NEB: variants seen among roughly 807,000 people sequenced by gnomAD.
NEB encodes the protein nemaline myopathy type 2.
In NEB, 512 loss-of-function variants were observed where a neutral mutation model predicts 952.2. The observed-to-expected ratio is 0.54, with a 90% CI of 0.50 to 0.58. The LOEUF is 0.58. NEB is among the 20% of genes least tolerant of loss of function. The probability of loss-of-function intolerance (pLI) is 0.00; values close to 1 mark genes in which losing one functional copy is unlikely to be tolerated. For missense variants in NEB, 8,428 were observed against 9,231.1 expected (o/e 0.91, Z 3.56); for synonymous variants, 2,900 against 3,149.8 (o/e 0.92, Z 2.66).
chr2:151,533,446 C>A lies in NEB; in HGVS notation c.21413G>T (p.Ser7138Ile), dbSNP rs2153515111. The A allele has an allele frequency of 6.5e-7, 1 of 1,548,514 alleles. No homozygotes were observed. The highest frequency in any genetic ancestry group is 8.7e-7 in the Non-Finnish European group (1 of 1,143,986). ...LTALYNSHMW[S>I]QIKYRKNYEK... is the part of the protein sequence containing the mutation. ...TCACATCCCATCAGACATTACCTGG[C>A]TCCACATATGCGAATTGTAGAGAGC... Residue 7138 changes from serine to isoleucine, a missense_variant, in exon 143 of 182, where the codon AGC (serine) becomes ATC (isoleucine). Ser to Ile is a moderately radical substitution (Grantham distance 142). Transcript: ENST00000397345.
chr2:151,611,376 T>C (rs2097952687), intron 78 of NEB, among the ~76,000 whole-genome samples: 1 of 152,234 alleles, frequency 6.6e-6, no homozygotes, highest in Non-Finnish European at 1.5e-5. Context: ...TCATAGCAGA[T>C]ACTCAACGAT....
chr2:151,533,470 G>T lies in NEB; in HGVS notation c.21389C>A (p.Ala7130Asp). The change falls in exon 143 of 182, where the codon GCT becomes GAT. Residue 7130 changes from alanine (A) to aspartate (D), a missense_variant. Ala to Asp is a moderately radical substitution (Grantham distance 126). This residue lies in a region of NEB where 3,374 missense variants were observed against 3,651.5 expected (regional missense o/e 0.92). Coordinates refer to ENST00000397345, the MANE Select transcript of NEB (RefSeq NM_001164508.2). The stretch of plus-strand genomic sequence containing the variant: ...GCTCCACATATGCGAATTGTAGAGA[G>T]CAGTCAACATATCTGGACGCAGAAT... ...NEILRPDMLT[A>D]LYNSHMWSQI... 2 of 1,551,270 alleles carry T rather than the reference G, an allele frequency of 1.3e-6. No homozygotes were observed. Among genetic ancestry groups the T allele is most frequent in the Non-Finnish European group, 8.7e-7 (1 of 1,146,560 alleles).
intron 174 of NEB, 80 bp from the exon 175 acceptor site, chr2:151,493,947 G>A (rs2058438522): frequency 9.2e-7 from 1 of 1,088,798 alleles, no homozygotes; most frequent in Non-Finnish European, 1.3e-6. Context: ...GGGGGGAAAT[G>A]TTATGTTTAA....
chr2:151,609,279 G>A (rs187796360), intron 81 of NEB, among the ~76,000 whole-genome samples: 4 of 152,108 alleles, frequency 2.6e-5, no homozygotes, highest in East Asian at 3.9e-4. Context: ...TGGGGTTGAC[G>A]GGATAAGTGC....
chr2:151,536,410 A>C (rs528154006), intron 141 of NEB, among the ~76,000 whole-genome samples: 3 of 152,172 alleles, frequency 2.0e-5, no homozygotes, highest in Non-Finnish European at 4.4e-5. Context: ...TTATTATTTA[A>C]CTTTGAAAGT....
At position 151,568,178 on chromosome 2, in the gene NEB, A is replaced by C; in HGVS notation, c.17737T>G (p.Tyr5913Asp). The C allele has an allele frequency of 6.2e-7, 1 of 1,612,400 alleles. No individual in the cohort carries two copies. Among genetic ancestry groups the C allele is most frequent in the Non-Finnish European group, 8.5e-7 (1 of 1,178,874 alleles). The change falls in exon 113 of 182, where the codon TAT (tyrosine) becomes GAT (aspartate). Residue 5913 changes from tyrosine (Y) to aspartate (D), a missense_variant and splice_region_variant. Around this residue, in one of 11 missense-constraint regions of NEB, gnomAD observed 3,374 missense variants for 3,651.5 expected, o/e 0.92. Coordinates refer to ENST00000397345, the MANE Select transcript of NEB (RefSeq NM_001164508.2). ...AQEAARILDQYLYKEGWERQK... is the reference protein window; with the variant it reads ...AQEAARILDQDLYKEGWERQK... ...CTCTCCCAGCCTTCCTTGTAGAGATACTGAAAGACAGAGCCACCATAAAGG... is the reference window on the plus strand; with the variant it reads ...CTCTCCCAGCCTTCCTTGTAGAGATCCTGAAAGACAGAGCCACCATAAAGG...
At chr2:151,549,954 A>G (rs903765933) in intron 129 of NEB, among the ~76,000 whole-genome samples, 2 of 152,174 alleles carry the variant, frequency 1.3e-5, no homozygotes, top group African/African-American at 4.8e-5. Context: ...AAATAGAACA[A>G]TGAGTGAAAT....
intron 147 of NEB, 66 bp downstream of exon 147, chr2:151,527,412 AAAT>A: frequency 8.7e-7 from 1 of 1,145,348 alleles, no homozygotes; most frequent in Non-Finnish European, 1.3e-6. Flanking sequence ...TGGTTATTAT[AAAT>A]AATTATTCAT....
chr2:151,570,000 C>A, intron 109 of NEB, 81 bp downstream of exon 109: 1 of 1,351,708 alleles, frequency 7.4e-7, no homozygotes, highest in Admixed American at 2.2e-5. Context: ...AAAATGATGA[C>A]AGAAGGGGTT....
Position 151,498,143 on chromosome 2 carries a change from T to TATAAG in NEB, c.24207+112_24207+116dup, listed in dbSNP as rs1478969880. On this transcript the variant is annotated intron_variant, in intron 170 of 181. Coordinates refer to ENST00000397345, the MANE Select transcript of NEB (RefSeq NM_001164508.2). ...AATGGGAAAGTATATCCTTTTGTAATATAAGATGTATTAGAAGCAAAGAAG... is the reference window on the plus strand; with the variant it reads ...AATGGGAAAGTATATCCTTTTGTAATATAAGATAAGATGTATTAGAAGCAAAGAAG... The TATAAG allele has an allele frequency of 3.3e-6, 5 of 1,529,186 alleles. No homozygotes were observed. In the African/African-American group the frequency reaches 4.1e-5, roughly 13 times the overall value. The allele number at this position is 1,529,186 out of a possible 1,614,324, so 94.7% of individuals were successfully genotyped here.
intron 110 of NEB, among the ~76,000 whole-genome samples, 151 bp from the exon 111 acceptor site, chr2:151,568,867 A>T (rs948121058): frequency 6.6e-6 from 1 of 152,160 alleles, no homozygotes; most frequent in Non-Finnish European, 1.5e-5. Flanking sequence ...TCTTTTTAGC[A>T]TTTTATTTTT....
chr2:151,561,451 C>T (rs769518939), intron 121 of NEB, 139 bp from the exon 122 acceptor site: 10 of 642,708 alleles, frequency 1.6e-5, no homozygotes, highest in Non-Finnish European at 2.5e-5. Context: ...ATTCTAGAGT[C>T]CTGCAGACTT....
chr2:151,695,961 C>A (rs1045768626), intron 17 of NEB, among the ~76,000 whole-genome samples: 11 of 152,296 alleles, frequency 7.2e-5, no homozygotes, highest in Middle Eastern at 6.8e-3. Flanking sequence ...CTGAGAGGGG[C>A]CCCGCCCTGT....
At chr2:151,665,649 A>G (rs902843662) in intron 41 of NEB, 110 bp from the exon 42 acceptor site, 2 of 911,120 alleles carry the variant, frequency 2.2e-6, no homozygotes, top group African/African-American at 3.3e-5. Context: ...GGAGGGGGAG[A>G]ATAATCTGCT....
At chr2:151,724,618 C>A (rs1357213513) in intron 7 of NEB, among the ~76,000 whole-genome samples, 1 of 152,216 alleles carries the variant, frequency 6.6e-6, no homozygotes, top group Non-Finnish European at 1.5e-5. Context: ...CATGCAGCAA[C>A]AGCCTGGAGC....
chr2:151,514,763 T>C, intron 158 of NEB, 55 bp downstream of exon 158: 1 of 1,213,552 alleles, frequency 8.2e-7, no homozygotes, highest in Admixed American at 2.2e-5. Context: ...TTAATGAGTG[T>C]CACTAGTGCA....
At chr2:151,503,250 CAG>C (rs2066111968) in intron 166 of NEB, 97 bp downstream of exon 166, 2 of 868,750 alleles carry the variant, frequency 2.3e-6, no homozygotes, top group Non-Finnish European at 3.7e-6. Context: ...CAGACACACA[CAG>C]AATTGCTGTT....
chr2:151,506,706 G>A (rs529504738), intron 163 of NEB, among the ~76,000 whole-genome samples: 2 of 152,286 alleles, frequency 1.3e-5, no homozygotes, highest in South Asian at 2.1e-4. Flanking sequence ...TAAAAGTTAC[G>A]TTGTTAGCAG....
In NEB at chr2:151,627,700, A is replaced by C. The variant is rs2098551668; in HGVS notation, c.9966T>G (p.Phe3322Leu). Residue 3322 changes from phenylalanine to leucine, a missense_variant, in exon 69 of 182, where the codon TTT becomes TTG. Phe to Leu is a conservative substitution (Grantham distance 22). Around this residue, in one of 11 missense-constraint regions of NEB, gnomAD observed 1,772 missense variants for 1,960.3 expected, o/e 0.90. Transcript: ENST00000397345. ...TGCTGAACTTGGTCTTCCACTTCTCAAAGTCCTTCTTATACTCCCTGTCAC... is the reference window on the plus strand; with the variant it reads ...TGCTGAACTTGGTCTTCCACTTCTCCAAGTCCTTCTTATACTCCCTGTCAC... Reference protein sequence around the residue: ...IQSDREYKKDFEKWKTKFSSP... With the variant: ...IQSDREYKKDLEKWKTKFSSP... The C allele has an allele frequency of 6.2e-7, 1 of 1,613,746 alleles. No individual in the cohort carries two copies. The highest frequency in any genetic ancestry group is 8.5e-7 in the Non-Finnish European group (1 of 1,179,870).
Sources: gnomAD v4.1 joint callset for allele counts (sites outside exome capture counted in the v4.1 genomes callset) on GRCh38, gnomAD v4.1.1 for gene constraint, gnomAD v4.1.1 regional missense constraint, MANE v1.5 for transcripts, NCBI Gene and HGNC (gene_info 2026-07-23, HGNC 2026-07-21) for gene names.